The following FUCA2 variants were observed in gnomAD, a reference collection of about 807,000 sequenced individuals.
FUCA2 encodes alpha-L-fucosidase 2.
In FUCA2, 41 loss-of-function variants were observed where a neutral mutation model predicts 52.6. The ratio of observed to expected loss-of-function variants is 0.78; its 90% CI spans 0.61 to 1.01. FUCA2 has a LOEUF of 1.01. Ranked by LOEUF, FUCA2 falls within the 50% of genes least tolerant of loss-of-function variation. FUCA2 has a pLI of 0.00. For missense variants in FUCA2, 507 were observed against 569.5 expected (o/e 0.89, Z 1.12); for synonymous variants, 211 against 217.3 (o/e 0.97, Z 0.26).
rs1250428872 is a variant in FUCA2, at chr6:143,494,931, AAAG to A, written c.*773_*775del. On this transcript the variant is annotated 3_prime_UTR_variant, in exon 7 of 7. Coordinates refer to ENST00000002165, the MANE Select transcript of FUCA2 (RefSeq NM_032020.5). This position sits in a 1 kb window ranked among gnomAD's most constrained non-coding sequence, Gnocchi z 6.6. ...CACTTATGTTAATTTATAATTGAAGAAAGAAAAACTTTTTTTTATAAATGTAGT... is the reference window on the plus strand; with the variant it reads ...CACTTATGTTAATTTATAATTGAAGAAAAAACTTTTTTTTATAAATGTAGT... 3 of 145,144 alleles carry A rather than the reference AAAG, an allele frequency of 2.1e-5. No individual in the cohort carries two copies. The highest frequency in any genetic ancestry group is 7.3e-5 in the African/African-American group (3 of 41,268). The allele number at this position is 145,144 out of a possible 1,614,324, so 9.0% of individuals were successfully genotyped here. A position where few individuals can be genotyped will look rare whatever the true frequency, so the allele number is the denominator to read the frequency against.
chr6:143,502,005 T>C lies in FUCA2; in HGVS notation c.1081A>G (p.Lys361Glu). The C allele has an allele frequency of 6.2e-7, 1 of 1,613,982 alleles. No homozygotes were observed. Among genetic ancestry groups the C allele is most frequent in the East Asian group, 2.2e-5 (1 of 44,880 alleles). Residue 361 changes from lysine (K) to glutamate (E), a missense_variant, in exon 5 of 7, where the codon AAA becomes GAA. Lys to Glu is a moderately conservative substitution (Grantham distance 56). Transcript: ENST00000002165. The surrounding 1 kb of genome is among the most constrained non-coding windows in gnomAD (Gnocchi z 4.1). ...ERLRQMGSWL[K>E]VNGEAIYETH... ...TCATAAATAGCTTCTCCATTGACTT[T>C]TAGCCAGGACCCCATTTGCCTCAGT...
chr6:143,503,825 G>T lies in FUCA2; in HGVS notation c.752+88C>A. The T allele has an allele frequency of 2.0e-6, 2 of 1,022,560 alleles. No individual in the cohort carries two copies. The highest frequency in any genetic ancestry group is 1.4e-6 in the Non-Finnish European group (1 of 707,528). The allele number at this position is 1,022,560 out of a possible 1,614,324, so 63.3% of individuals were successfully genotyped here. A position where few individuals can be genotyped will look rare whatever the true frequency, so the allele number is the denominator to read the frequency against. ...CCCCATACCACCAATGACTTAAAAT[G>T]AAATATTTCAAGAGGTGAAGGAATT... On this transcript the variant is annotated intron_variant, in intron 3 of 6. Transcript: ENST00000002165. This position sits in a 1 kb window ranked among gnomAD's most constrained non-coding sequence, Gnocchi z 4.8.
In FUCA2 at chr6:143,511,191, T is replaced by A. The variant is rs1780677297; in HGVS notation, c.224+220A>T. ...CAGGAGTATCTGAAAACTCTTACAG[T>A]CACACGGAAGAAAAATTCCCTGTTC... On this transcript the variant is annotated intron_variant, in intron 1 of 6. Coordinates refer to ENST00000002165, the MANE Select transcript of FUCA2 (RefSeq NM_032020.5). This position sits in a 1 kb window ranked among gnomAD's most constrained non-coding sequence, Gnocchi z 6.3. Among the ~76,000 whole-genome samples the A allele has an allele frequency of 6.6e-6, 1 of 152,086 alleles. No homozygotes were observed. Among genetic ancestry groups the A allele is most frequent in the South Asian group, 2.1e-4 (1 of 4,820 alleles).
At position 143,503,938 on chromosome 6, in the gene FUCA2, A is replaced by G. The variant is rs147210054; in HGVS notation, c.727T>C (p.Phe243Leu). The G allele has an allele frequency of 8.0e-5, 129 of 1,613,904 alleles. No homozygotes were observed. The African/African-American group carries it at 1.5e-3, about 19-fold the overall frequency. Residue 243 changes from phenylalanine (F) to leucine (L), a missense_variant, in exon 3 of 7, where the codon TTC becomes CTC. Physicochemically the swap from Phe to Leu is conservative, Grantham distance 22 (BLOSUM62 0). Coordinates refer to ENST00000002165, the MANE Select transcript of FUCA2 (RefSeq NM_032020.5). The surrounding 1 kb of genome is among the most constrained non-coding windows in gnomAD (Gnocchi z 4.8). ...APDQYWNSTG[F>L]LAWLYNESPV... ...CTTTCATTATATAACCAGGCCAAGA[A>G]GCCTGTGCTGTTCCAGTATTGATCC...
chr6:143,506,094 A>T (rs1780602532), intron 2 of FUCA2: 1 of 152,150 alleles, frequency 6.6e-6, no homozygotes, highest in African/African-American at 2.4e-5. Flanking sequence ...ATGTGGCCAA[A>T]GGGAAAAATA....
Position 143,511,569 on chromosome 6 carries a change from C to CAG in FUCA2, c.65_66insCT (p.Pro23CysfsTer69). 6.4e-7 allele frequency: 1 copy of CAG among 1,563,998 alleles called. No homozygotes were observed. Among genetic ancestry groups the CAG allele is most frequent in the Non-Finnish European group, 8.7e-7 (1 of 1,155,020 alleles). ...CGCTGTGGGCAGGGCACGGCGGCGGCGGCAGCAGCAGCAACAGCAACAGCA... is the reference window on the plus strand; with the variant it reads ...CGCTGTGGGCAGGGCACGGCGGCGGCAGGGCAGCAGCAGCAACAGCAACAGCA... On this transcript the variant is annotated frameshift_variant, in exon 1 of 7. Coordinates refer to ENST00000002165, the MANE Select transcript of FUCA2 (RefSeq NM_032020.5). LOFTEE classifies it high-confidence loss of function. The surrounding 1 kb of genome is among the most constrained non-coding windows in gnomAD (Gnocchi z 6.3).
Position 143,501,423 on chromosome 6 carries a change from T to C in FUCA2, c.1154+509A>G, listed in dbSNP as rs1041269731. Reference sequence around the variant, plus strand: ...AACTGTCATATTTGTGGAGTCTGATTCGGGTACTCATTGACACACAGAACC... The same window carrying C: ...AACTGTCATATTTGTGGAGTCTGATCCGGGTACTCATTGACACACAGAACC... On this transcript the variant is annotated intron_variant, in intron 5 of 6. Coordinates refer to ENST00000002165, the MANE Select transcript of FUCA2 (RefSeq NM_032020.5). This position sits in a 1 kb window ranked among gnomAD's most constrained non-coding sequence, Gnocchi z 6.1. Among the ~76,000 whole-genome samples, 1 of 152,190 alleles carries C rather than the reference T, an allele frequency of 6.6e-6. No homozygotes were observed. Among genetic ancestry groups the C allele is most frequent in the Non-Finnish European group, 1.5e-5 (1 of 68,032 alleles).
intron 2 of FUCA2, chr6:143,506,344 T>C (rs920483826): frequency 3.3e-5 from 5 of 152,006 alleles, no homozygotes; most frequent in African/African-American, 1.2e-4. Flanking sequence ...ACTACGCTAA[T>C]TTTTTAGTTT....
rs1387225274 is a variant in FUCA2, at chr6:143,502,312, A to G, written c.963+43T>C. The G allele has an allele frequency of 1.3e-6, 2 of 1,566,450 alleles. No homozygotes were observed. The highest frequency in any genetic ancestry group is 1.4e-5 in the African/African-American group (1 of 73,728). ...GAAATAATTCCTACATGACCACACTATTAAGAATATTATGTTAATAGCCAC... is the reference window on the plus strand; with the variant it reads ...GAAATAATTCCTACATGACCACACTGTTAAGAATATTATGTTAATAGCCAC... On this transcript the variant is annotated intron_variant, in intron 4 of 6. Coordinates refer to ENST00000002165, the MANE Select transcript of FUCA2 (RefSeq NM_032020.5). This position sits in a 1 kb window ranked among gnomAD's most constrained non-coding sequence, Gnocchi z 4.1.
rs1319849005 is a variant in FUCA2, at chr6:143,494,823, AAT to A, written c.*882_*883del. On this transcript the variant is annotated 3_prime_UTR_variant, in exon 7 of 7. Coordinates refer to ENST00000002165, the MANE Select transcript of FUCA2 (RefSeq NM_032020.5). The surrounding 1 kb of genome is among the most constrained non-coding windows in gnomAD (Gnocchi z 6.6). ...AGAAAATATTTTTGTACATTTGCAC[AAT>A]GAGTTTATGTTTTAAGCTAAGTGTT... 2.0e-5 allele frequency: 3 copies of A among 152,366 alleles called. No homozygotes were observed. Among genetic ancestry groups the A allele is most frequent in the South Asian group, 2.1e-4 (1 of 4,828 alleles). The allele number at this position is 152,366 out of a possible 1,614,324, so 9.4% of individuals were successfully genotyped here.
In FUCA2 at chr6:143,502,454, T is replaced by G. The variant is rs1780542276; in HGVS notation, c.864A>C (p.Pro288=). 4 of 1,614,036 alleles carry G rather than the reference T, an allele frequency of 2.5e-6. No individual in the cohort carries two copies. The Admixed American group carries it at 5.0e-5, about 20-fold the overall frequency. The change falls in exon 4 of 7, where the codon CCA becomes CCC. Residue 288 remains proline (P), a synonymous_variant. Transcript: ENST00000002165. The surrounding 1 kb of genome is among the most constrained non-coding windows in gnomAD (Gnocchi z 4.1). ...TTGTCATGCAGTTTTCCCATTTATG[T>G]GGCAAAAGATGTCCTGGGTTATAAC... The part of the protein sequence containing the change: ...SDRYNPGHLL[P]HKWENCMTID...
chr6:143,505,151 T>A (rs181218486), intron 2 of FUCA2: 92 of 152,232 alleles, frequency 6.0e-4, no homozygotes, highest in African/African-American at 2.1e-3. Flanking sequence ...TATGAAAGCC[T>A]CAAAAATTTC....
In FUCA2 at chr6:143,499,155, G is replaced by A. The variant is rs1780500929; in HGVS notation, c.1155-1658C>T. On this transcript the variant is annotated intron_variant, in intron 5 of 6. Transcript: ENST00000002165. This position sits in a 1 kb window ranked among gnomAD's most constrained non-coding sequence, Gnocchi z 6.0. ...CTATGCATCTAAGTGGAAATGCTGA[G>A]TAGGAAGTTATTGAGGCTGGAGTTC... 6.6e-6 allele frequency among the ~76,000 whole-genome samples: 1 copy of A among 152,216 alleles called. No individual in the cohort carries two copies. Among genetic ancestry groups the A allele is most frequent in the South Asian group, 2.1e-4 (1 of 4,836 alleles).
Position 143,495,987 on chromosome 6 carries a change from A to C in FUCA2, c.1264-140T>G. ...TTTTACCTTTATTTAGTGATTCACA[A>C]TCACTCTTCATCCAATTGAGTGTAT... On this transcript the variant is annotated intron_variant, in intron 6 of 6. Coordinates refer to ENST00000002165, the MANE Select transcript of FUCA2 (RefSeq NM_032020.5). This position sits in a 1 kb window ranked among gnomAD's most constrained non-coding sequence, Gnocchi z 5.2. 1.3e-6 allele frequency: 1 copy of C among 750,582 alleles called. No individual in the cohort carries two copies. Among genetic ancestry groups the C allele is most frequent in the Non-Finnish European group, 2.2e-6 (1 of 464,236 alleles). 46.5% of individuals were successfully genotyped at this position (750,582 alleles called of 1,614,324 possible).
rs766013956 is a variant in FUCA2 at position 143,503,974 on chromosome 6, C to T, written c.691G>A (p.Gly231Arg). Residue 231 changes from glycine to arginine, a missense_variant, in exon 3 of 7, where the codon GGA (glycine) becomes AGA (arginine). Gly to Arg is a moderately radical substitution (Grantham distance 125). Transcript: ENST00000002165. The surrounding 1 kb of genome is among the most constrained non-coding windows in gnomAD (Gnocchi z 4.8). ...TTCCAGTATTGATCCGGTGCTCCTC[C>T]GTCACCATCCGACCACAGAACCTCA... ...QPEVLWSDGD[G>R]GAPDQYWNST... 7.4e-6 allele frequency: 12 copies of T among 1,614,058 alleles called. No individual in the cohort carries two copies. The highest frequency in any genetic ancestry group is 1.3e-5 in the African/African-American group (1 of 74,912).
In FUCA2 at chr6:143,502,147, T is replaced by C. The variant is rs1315298246; in HGVS notation, c.964-25A>G. On this transcript the variant is annotated intron_variant, in intron 4 of 6. Transcript: ENST00000002165. The surrounding 1 kb of genome is among the most constrained non-coding windows in gnomAD (Gnocchi z 4.1). ...GCTAAAAAATTAAGAATAATGTTTT[T>C]AGATAAATAAAATAATTCCATCTTT... is the stretch of plus-strand genomic sequence containing the variant. 1 of 1,535,740 alleles carries C rather than the reference T, an allele frequency of 6.5e-7. No individual in the cohort carries two copies. Among genetic ancestry groups the C allele is most frequent in the South Asian group, 1.2e-5 (1 of 82,464 alleles).
chr6:143,503,921 A>T lies in FUCA2; in HGVS notation c.744T>A (p.Tyr248Ter). The T allele has an allele frequency of 6.2e-7, 1 of 1,611,820 alleles. No individual in the cohort carries two copies. The highest frequency in any genetic ancestry group is 8.5e-7 in the Non-Finnish European group (1 of 1,178,516). ...TCTCATAGCATACACACCTTTCATT[A>T]TATAACCAGGCCAAGAAGCCTGTGC... Reference protein sequence around the residue: ...WNSTGFLAWLYNESPVRGTVV... With the variant: ...WNSTGFLAWL Residue 248 changes from tyrosine to a stop codon, truncating the protein, a stop_gained, in exon 3 of 7, where the codon TAT (tyrosine) becomes TAA (stop). Transcript: ENST00000002165. LOFTEE classifies it high-confidence loss of function. The surrounding 1 kb of genome is among the most constrained non-coding windows in gnomAD (Gnocchi z 4.8).
intron 5 of FUCA2, among the ~76,000 whole-genome samples, chr6:143,498,435 A>G (rs982186233): frequency 3.9e-5 from 6 of 152,224 alleles, no homozygotes; most frequent in African/African-American, 1.4e-4. Flanking sequence ...TATTTTAAAC[A>G]GAATAGTCAG....
chr6:143,504,201 T>C lies in FUCA2; in HGVS notation c.464A>G (p.Glu155Gly), dbSNP rs1780569018. 6.2e-7 allele frequency: 1 copy of C among 1,614,054 alleles called. No homozygotes were observed. The highest frequency in any genetic ancestry group is 1.3e-5 in the African/African-American group (1 of 74,926). ...EYSWNWNAIDEGPKRDIVKEL... is the reference protein window; with the variant it reads ...EYSWNWNAIDGGPKRDIVKEL... ...CTTGACAATGTCCCTCTTGGGCCCCTCATCTATGGCATTCCAGTTCCACGA... is the reference window on the plus strand; with the variant it reads ...CTTGACAATGTCCCTCTTGGGCCCCCCATCTATGGCATTCCAGTTCCACGA... The change falls in exon 3 of 7, where the codon GAG becomes GGG. Residue 155 changes from glutamate to glycine, a missense_variant. By Grantham distance (98) the Glu-to-Gly change is moderately conservative. Coordinates refer to ENST00000002165, the MANE Select transcript of FUCA2 (RefSeq NM_032020.5). This position sits in a 1 kb window ranked among gnomAD's most constrained non-coding sequence, Gnocchi z 4.4.
Sources: allele counts gnomAD v4.1 joint callset (sites outside exome capture counted in the v4.1 genomes callset), GRCh38; gene constraint gnomAD v4.1.1; non-coding constraint Gnocchi (gnomAD v3.1); transcripts MANE v1.5; gene names NCBI Gene and HGNC (gene_info 2026-07-23, HGNC 2026-07-21).